Variants in NEK11 observed in about 807,000 individuals in gnomAD.
The protein encoded by NEK11 is serine/threonine-protein kinase Nek11.
NEK11 carries 72 observed loss-of-function variants against 80.7 expected under a neutral mutation model. That is an observed-to-expected ratio of 0.89 (90% CI 0.74 to 1.08). The LOEUF (loss-of-function observed/expected upper bound fraction) is 1.08. Among genes scored for constraint, NEK11 ranks in the 50% least tolerant of loss-of-function variants. The pLI is 0.00. For synonymous variants in NEK11, 251 were observed against 260.7 expected (o/e 0.96, Z 0.36); for missense variants, 764 against 763.6 (o/e 1.00, Z -0.01).
At chr3:131,042,460 G>A (rs895502937) in intron 3 of NEK11, among the ~76,000 whole-genome samples, 5 of 152,152 alleles carry the variant, frequency 3.3e-5, no homozygotes, top group African/African-American at 4.8e-5. Flanking sequence ...GCTTGAGTAG[G>A]TGGTTTTCCC....
At chr3:131,224,499 G>A (rs1299709356) in intron 14 of NEK11, among the ~76,000 whole-genome samples, 1 of 152,106 alleles carries the variant, frequency 6.6e-6, no homozygotes, top group Non-Finnish European at 1.5e-5. Context: ...AAAGTGCTGG[G>A]ATTATAGGAG....
At chr3:131,167,316 CCCCCTAAGATTGAAAA>C (rs2092320874) in intron 12 of NEK11, among the ~76,000 whole-genome samples, 2 of 152,140 alleles carry the variant, frequency 1.3e-5, no homozygotes, top group African/African-American at 2.4e-5. Context: ...AAGGGATTTT[CCCCCTAAGATTGAAAA>C]TTGAGAAGTA....
chr3:131,302,377 G>T (rs1006026586), intron 17 of NEK11, among the ~76,000 whole-genome samples: 3 of 151,986 alleles, frequency 2.0e-5, no homozygotes, highest in Non-Finnish European at 4.4e-5. Context: ...TCTGATTTTG[G>T]TTAGTTCTTG....
rs2068066310 is a variant in NEK11, at chr3:131,049,900, G to C, written c.170+20022G>C. Among the ~76,000 whole-genome samples the C allele has an allele frequency of 3.3e-5, 5 of 151,490 alleles. No individual in the cohort carries two copies. The East Asian group carries it at 9.6e-4, about 29-fold the overall frequency. ...AACAATTTAAAAAAAGTTGTTGCTT[G>C]TGACAACACTAACGTCAAGGAAATT... is the stretch of plus-strand genomic sequence containing the variant. On this transcript the variant is annotated intron_variant, in intron 3 of 17. Transcript: ENST00000383366.
intron 14 of NEK11, among the ~76,000 whole-genome samples, chr3:131,201,938 C>A (rs146254312): frequency 6.6e-6 from 1 of 152,078 alleles, no homozygotes; most frequent in African/African-American, 2.4e-5. Context: ...CGGATTCAAG[C>A]GATTCTCTGC....
At chr3:131,252,344 T>A (rs977115096) in intron 16 of NEK11, among the ~76,000 whole-genome samples, 13 of 152,120 alleles carry the variant, frequency 8.5e-5, no homozygotes, top group Admixed American at 7.9e-4. Flanking sequence ...AAGAGCTTCT[T>A]CTATCTCTTA....
At chr3:131,214,085 T>C (rs2094729110) in intron 14 of NEK11, among the ~76,000 whole-genome samples, 1 of 152,236 alleles carries the variant, frequency 6.6e-6, no homozygotes, top group African/African-American at 2.4e-5. Context: ...GCCAGCACCT[T>C]GACCTTAGAC....
At chr3:131,212,383 G>A (rs75042167) in intron 14 of NEK11, among the ~76,000 whole-genome samples, 3 of 152,290 alleles carry the variant, frequency 2.0e-5, no homozygotes, top group East Asian at 3.9e-4. Context: ...GCACCCGGCT[G>A]TATGACGTGT....
At chr3:131,287,313 A>T (rs114955958) in intron 17 of NEK11, among the ~76,000 whole-genome samples, 6,459 of 152,218 alleles carry the variant, frequency 0.042, 439 homozygotes, top group African/African-American at 0.15. Flanking sequence ...TCACTCTGTC[A>T]TCCGGGCTGG....
intron 17 of NEK11, among the ~76,000 whole-genome samples, chr3:131,315,544 CTTT>C (rs201472590): frequency 4.9e-5 from 7 of 143,462 alleles, no homozygotes; most frequent in African/African-American, 1.3e-4. Context: ...TGCCATGCTT[CTTT>C]TTTTTTTTTC....
chr3:131,161,535 C>G (rs1430752496), intron 10 of NEK11, among the ~76,000 whole-genome samples: 4 of 152,140 alleles, frequency 2.6e-5, no homozygotes, highest in African/African-American at 7.2e-5. Context: ...TTTGCAGCAA[C>G]ATAGACAGAG....
At chr3:131,296,047 T>G (rs1209689936) in intron 17 of NEK11, among the ~76,000 whole-genome samples, 2 of 151,990 alleles carry the variant, frequency 1.3e-5, no homozygotes, top group Non-Finnish European at 2.9e-5. Context: ...CACCATGATG[T>G]CCAACCTGGT....
chr3:131,253,186 G>A (rs181901644), intron 16 of NEK11, among the ~76,000 whole-genome samples: 10 of 152,208 alleles, frequency 6.6e-5, no homozygotes, highest in African/African-American at 2.4e-4. Flanking sequence ...GTGGGCTCCT[G>A]GACAGATCAG....
chr3:131,140,590 CAT>C (rs1432962880), intron 7 of NEK11, among the ~76,000 whole-genome samples: 1 of 152,180 alleles, frequency 6.6e-6, no homozygotes, highest in Non-Finnish European at 1.5e-5. Flanking sequence ...AGCAGGACTT[CAT>C]CAGGAGAACG....
At chr3:131,092,338 A>C (rs1385052153) in intron 4 of NEK11, among the ~76,000 whole-genome samples, 1 of 152,320 alleles carries the variant, frequency 6.6e-6, no homozygotes, top group East Asian at 1.9e-4. Context: ...AATATAGAAC[A>C]CCAGGGAGAC....
chr3:131,223,893 T>A (rs1335834319), intron 14 of NEK11, among the ~76,000 whole-genome samples: 2 of 152,070 alleles, frequency 1.3e-5, no homozygotes, highest in Admixed American at 6.6e-5. Flanking sequence ...TTGGGTTCAG[T>A]ATGGATTTTG....
chr3:131,340,156 C>G (rs972413595), intron 17 of NEK11, among the ~76,000 whole-genome samples: 31 of 152,258 alleles, frequency 2.0e-4, no homozygotes, highest in African/African-American at 6.0e-4. Context: ...TTTCCTGATT[C>G]TGGTGGCAGT....
At chr3:131,228,799 G>A (rs922459135) in intron 15 of NEK11, 111 bp downstream of exon 15, 15 of 1,080,428 alleles carry the variant, frequency 1.4e-5, no homozygotes, top group African/African-American at 3.2e-5. Flanking sequence ...GGGGAACAGG[G>A]TTATTATAAT....
intron 4 of NEK11, among the ~76,000 whole-genome samples, chr3:131,084,441 C>T (rs1053964553): frequency 6.6e-6 from 1 of 152,150 alleles, no homozygotes; most frequent in African/African-American, 2.4e-5. Context: ...AGTATTTTGT[C>T]CTACCTTACT....
Sources: allele counts gnomAD v4.1 joint callset (sites outside exome capture counted in the v4.1 genomes callset), GRCh38; gene constraint gnomAD v4.1.1; transcripts MANE v1.5; gene names NCBI Gene and HGNC (gene_info 2026-07-23, HGNC 2026-07-21).